Variants in TRAPPC9 observed in about 807,000 individuals in gnomAD.
TRAPPC9 encodes the protein IKK2 binding protein.
A neutral mutation model predicts 124.0 loss-of-function variants in TRAPPC9; 83 were observed. The ratio of observed to expected loss-of-function variants is 0.67; its 90% CI spans 0.56 to 0.80. TRAPPC9 has a LOEUF of 0.80. TRAPPC9 is among the 30% of genes least tolerant of loss of function. The pLI, the probability that TRAPPC9 is intolerant of heterozygous loss-of-function variation, is 0.00. For synonymous variants in TRAPPC9, 638 were observed against 617.5 expected (o/e 1.03, Z -0.49); for missense variants, 1,302 against 1,508.3 (o/e 0.86, Z 2.27).
At chr8:140,045,235 C>T (rs1255555536) in intron 17 of TRAPPC9, among the ~76,000 whole-genome samples, 3 of 152,198 alleles carry the variant, frequency 2.0e-5, no homozygotes, top group African/African-American at 4.8e-5. Context: ...TGACCCTCTG[C>T]GCTTCAGCTT....
intron 21 of TRAPPC9, among the ~76,000 whole-genome samples, chr8:139,796,818 C>T (rs972658051): frequency 1.3e-5 from 2 of 152,232 alleles, no homozygotes; most frequent in Admixed American, 6.5e-5. Context: ...TTGTGAGGAA[C>T]TGCTAGACTG....
chr8:140,110,206 C>T (rs1044187662), intron 17 of TRAPPC9, among the ~76,000 whole-genome samples: 6 of 147,928 alleles, frequency 4.1e-5, no homozygotes, highest in African/African-American at 1.3e-4. Flanking sequence ...CCCCCATGCA[C>T]CCCCTGTGGT....
intron 5 of TRAPPC9, among the ~76,000 whole-genome samples, chr8:140,410,566 G>A (rs887614950): frequency 2.6e-5 from 4 of 151,976 alleles, no homozygotes; most frequent in African/African-American, 4.8e-5. Context: ...AAAAAAGGCC[G>A]GGCGCAGTGG....
At chr8:140,381,781 G>A (rs1472542246) in intron 7 of TRAPPC9, among the ~76,000 whole-genome samples, 1 of 151,902 alleles carries the variant, frequency 6.6e-6, no homozygotes, top group African/African-American at 2.4e-5. Flanking sequence ...CACTAGAATG[G>A]CTCTCATCAA....
At chr8:139,843,088 TATACCTTATGTGCA>T (rs1193644813) in intron 21 of TRAPPC9, among the ~76,000 whole-genome samples, 9 of 152,184 alleles carry the variant, frequency 5.9e-5, no homozygotes, top group Non-Finnish European at 1.3e-4. Flanking sequence ...TTTGTTGGTT[TATACCTTATGTGCA>T]ATACCATGCC....
intron 18 of TRAPPC9, among the ~76,000 whole-genome samples, chr8:140,009,317 G>A (rs1838969821): frequency 6.6e-6 from 1 of 152,206 alleles, no homozygotes; most frequent in Non-Finnish European, 1.5e-5. Flanking sequence ...GGACAAATGA[G>A]CACTGGCCCA....
At position 139,857,889 on chromosome 8, in the gene TRAPPC9, T is replaced by C. The variant is rs562900179; in HGVS notation, c.3055+27990A>G. Among the ~76,000 whole-genome samples, 126 of 152,336 alleles carry C rather than the reference T, an allele frequency of 8.3e-4. 1 individual carries two copies. Among genetic ancestry groups the C allele is most frequent in the African/African-American group, 2.6e-3 (110 of 41,580 alleles). On this transcript the variant is annotated intron_variant, in intron 21 of 22. Transcript: ENST00000438773. ...TATTGACAGGTCACCGAAGAGGCAG[T>C]TGTCCCCATCTCTAGCACTTGTCTC... is the stretch of plus-strand genomic sequence containing the variant.
chr8:139,925,347 G>A (rs1380652097), intron 19 of TRAPPC9, among the ~76,000 whole-genome samples: 2 of 152,292 alleles, frequency 1.3e-5, no homozygotes, highest in East Asian at 1.9e-4. Flanking sequence ...GGAGGTGGGG[G>A]AATCTTAGAG....
Position 140,241,773 on chromosome 8 carries a change from C to CCAGA in TRAPPC9, c.2431+11000_2431+11003dup, listed in dbSNP as rs567514281. ...AGAAAGCAACACCAGATCCTCACAG[C>CCAGA]CAGACAGCTCTCCCGTCTCTGAACT... On this transcript the variant is annotated intron_variant, in intron 16 of 22. Coordinates refer to ENST00000438773, the MANE Select transcript of TRAPPC9 (RefSeq NM_001160372.4). This position sits in a 1 kb window ranked among gnomAD's most constrained non-coding sequence, Gnocchi z 5.0. Among the ~76,000 whole-genome samples, 1 of 152,220 alleles carries CCAGA rather than the reference C, an allele frequency of 6.6e-6. No homozygotes were observed. Among genetic ancestry groups the CCAGA allele is most frequent in the Non-Finnish European group, 1.5e-5 (1 of 68,038 alleles).
chr8:139,808,093 G>A (rs1332454689), intron 21 of TRAPPC9, among the ~76,000 whole-genome samples: 1 of 152,206 alleles, frequency 6.6e-6, no homozygotes, highest in East Asian at 1.9e-4. Flanking sequence ...GCAAGTGGGT[G>A]CGGCCTGACC....
intron 9 of TRAPPC9, among the ~76,000 whole-genome samples, chr8:140,345,057 A>G (rs567436494): frequency 5.6e-4 from 85 of 152,240 alleles, no homozygotes; most frequent in Non-Finnish European, 1.1e-3. Flanking sequence ...GAGGGAAGCG[A>G]AGGCAGGGTG....
intron 15 of TRAPPC9, among the ~76,000 whole-genome samples, chr8:140,267,732 T>C (rs1248670366): frequency 6.6e-6 from 1 of 152,204 alleles, no homozygotes; most frequent in Non-Finnish European, 1.5e-5. Flanking sequence ...AATGGCACGA[T>C]CTCAGCTCAC....
chr8:139,989,040 C>T (rs565425759), intron 18 of TRAPPC9, among the ~76,000 whole-genome samples: 1 of 152,242 alleles, frequency 6.6e-6, no homozygotes, highest in East Asian at 1.9e-4. Context: ...GCATCAGGTC[C>T]TCATCAGGTC....
chr8:139,932,504 T>C, intron 19 of TRAPPC9: 2 of 456,794 alleles, frequency 4.4e-6, no homozygotes, highest in South Asian at 3.1e-5. Context: ...GGCTCACGCC[T>C]GTAATCCCAG....
chr8:140,229,138 A>G (rs1187952955), intron 16 of TRAPPC9, among the ~76,000 whole-genome samples: 1 of 152,156 alleles, frequency 6.6e-6, no homozygotes, highest in African/African-American at 2.4e-5. Context: ...TACATAGAAA[A>G]TAATTTCAGA....
At chr8:139,895,778 T>C (rs1161869084) in intron 20 of TRAPPC9, among the ~76,000 whole-genome samples, 1 of 152,260 alleles carries the variant, frequency 6.6e-6, no homozygotes, top group South Asian at 2.1e-4. Flanking sequence ...TCTTTCTGCT[T>C]TCCCTCCTGA....
At chr8:140,309,487 C>T (rs778315403) in intron 10 of TRAPPC9, among the ~76,000 whole-genome samples, 1 of 152,166 alleles carries the variant, frequency 6.6e-6, no homozygotes, top group Non-Finnish European at 1.5e-5. Context: ...CTGCAAGGAC[C>T]GATCATCCCC....
chr8:140,395,647 C>A (rs78698692), intron 7 of TRAPPC9, among the ~76,000 whole-genome samples: 4,189 of 152,210 alleles, frequency 0.028, 118 homozygotes, highest in African/African-American at 0.071. Flanking sequence ...GTAGTCAATG[C>A]GGCAACATTT....
At chr8:139,756,742 G>GT (rs1819836366) in intron 21 of TRAPPC9, among the ~76,000 whole-genome samples, 1 of 134,540 alleles carries the variant, frequency 7.4e-6, no homozygotes. Context: ...AGGAGCCAGG[G>GT]TTGGGGTATA....
Sources: gnomAD v4.1 joint callset for allele counts (sites outside exome capture counted in the v4.1 genomes callset) on GRCh38, gnomAD v4.1.1 for gene constraint, Gnocchi (gnomAD v3.1) non-coding constraint, MANE v1.5 for transcripts, NCBI Gene and HGNC (gene_info 2026-07-23, HGNC 2026-07-21) for gene names.